Variants in AGAP1 observed in about 807,000 individuals in gnomAD.
The protein encoded by AGAP1 is ArfGAP with GTPase domain, ankyrin repeat and PH domain 1, also known as arf-GAP with GTPase, ANK repeat and PH domain-containing protein 1.
A neutral mutation model predicts 105.3 loss-of-function variants in AGAP1; 29 were observed. That is an observed-to-expected ratio of 0.28 (90% confidence interval 0.21 to 0.38). AGAP1 has a LOEUF of 0.38. Ranked by LOEUF, AGAP1 falls within the 10% of genes least tolerant of loss-of-function variation. The pLI is 1.00. For synonymous variants in AGAP1, 509 were observed against 485.9 expected (o/e 1.05, Z -0.63); for missense variants, 998 against 1,165.1 (o/e 0.86, Z 2.09).
intron 16 of AGAP1, among the ~76,000 whole-genome samples, chr2:236,086,638 A>G (rs1365207422): frequency 6.6e-6 from 1 of 152,196 alleles, no homozygotes; most frequent in Non-Finnish European, 1.5e-5. Context: ...ATACATTCCA[A>G]AAAATTTTCA....
At chr2:236,016,568 C>T (rs549518326) in intron 13 of AGAP1, among the ~76,000 whole-genome samples, 1 of 152,224 alleles carries the variant, frequency 6.6e-6, no homozygotes, top group Non-Finnish European at 1.5e-5. Flanking sequence ...GCTGATGGGC[C>T]TTCCTGGAGA....
At chr2:235,494,924 G>A (rs1941244164) in intron 1 of AGAP1, 75 bp downstream of exon 1, 12 of 1,409,060 alleles carry the variant, frequency 8.5e-6, no homozygotes, top group Non-Finnish European at 8.4e-6. Context: ...CGCTGTGTGC[G>A]TGCGGGTGTC....
rs988282132 is a variant in AGAP1, at chr2:235,809,970, G to C, written c.1050+2639G>C. On this transcript the variant is annotated intron_variant, in intron 9 of 17. Transcript: ENST00000304032. ...GTGTTCTCCTTATTTTAAACACAGA[G>C]ATAGGGAGGGCCCTATACCAGGCAG... 3.9e-5 allele frequency among the ~76,000 whole-genome samples: 6 copies of C among 152,296 alleles called. 1 individual carries two copies. The South Asian group carries it at 1.2e-3, about 32-fold the overall frequency.
At chr2:235,731,706 C>T (rs1951956602) in intron 3 of AGAP1, among the ~76,000 whole-genome samples, 3 of 152,142 alleles carry the variant, frequency 2.0e-5, no homozygotes, top group Admixed American at 6.5e-5. Context: ...CCACTTGTGA[C>T]GTTTCAGGAA....
In AGAP1 at chr2:235,709,521, G is replaced by A. The variant is rs1575190555; in HGVS notation, c.222+284G>A. 2.0e-5 allele frequency among the ~76,000 whole-genome samples: 3 copies of A among 151,202 alleles called. No homozygotes were observed. The South Asian group carries it at 6.3e-4, about 32-fold the overall frequency. On this transcript the variant is annotated intron_variant, in intron 2 of 17. Transcript: ENST00000304032. ...TCATCCTCTCTCTCACATCTCGTGG[G>A]TGTGTGTGTGTCCACACACACACAC...
At position 235,866,884 on chromosome 2, in the gene AGAP1, C is replaced by G. The variant is rs1286360006; in HGVS notation, c.1051-16461C>G. Among the ~76,000 whole-genome samples, 4 of 152,290 alleles carry G rather than the reference C, an allele frequency of 2.6e-5. No homozygotes were observed. The East Asian group carries it at 5.8e-4, about 22-fold the overall frequency. ...ATTGGATTAGGGCCCATCCTAACAG[C>G]CTTATTTTAACATAATTTGCTCTGT... On this transcript the variant is annotated intron_variant, in intron 9 of 17. Transcript: ENST00000304032. This position sits in a 1 kb window ranked among gnomAD's most constrained non-coding sequence, Gnocchi z 6.1.
chr2:235,687,397 T>C (rs185608864), intron 1 of AGAP1, among the ~76,000 whole-genome samples: 29 of 152,308 alleles, frequency 1.9e-4, no homozygotes, highest in African/African-American at 6.7e-4. Context: ...AAACCTTTCA[T>C]ATGTAGGAAT....
chr2:236,098,241 A>C (rs2059244134), intron 16 of AGAP1, among the ~76,000 whole-genome samples: 1 of 152,176 alleles, frequency 6.6e-6, no homozygotes, highest in Non-Finnish European at 1.5e-5. Flanking sequence ...TCCACGCTGA[A>C]CCGTCATACC....
In AGAP1 at chr2:235,621,882, G is replaced by A. The variant is rs181665269; in HGVS notation, c.164-87297G>A. On this transcript the variant is annotated intron_variant, in intron 1 of 17. Transcript: ENST00000304032. The surrounding 1 kb of genome is among the most constrained non-coding windows in gnomAD (Gnocchi z 4.1). Reference sequence around the variant, plus strand: ...GTAGGAGTGGAGGAGGGGTGCGATCGGAAGGGAGTGCCGCGCAGACCCCCC... The same window carrying A: ...GTAGGAGTGGAGGAGGGGTGCGATCAGAAGGGAGTGCCGCGCAGACCCCCC... Among the ~76,000 whole-genome samples, 94 of 147,164 alleles carry A rather than the reference G, an allele frequency of 6.4e-4. No homozygotes were observed. In the Middle Eastern group the frequency reaches 0.011, roughly 17 times the overall value.
intron 9 of AGAP1, among the ~76,000 whole-genome samples, chr2:235,832,098 T>C (rs1398606158): frequency 6.6e-6 from 1 of 152,276 alleles, no homozygotes; most frequent in African/African-American, 2.4e-5. Context: ...ATTTGCCATC[T>C]GTAGGTCGTC....
intron 11 of AGAP1, among the ~76,000 whole-genome samples, chr2:235,922,144 G>A (rs1398670007): frequency 6.6e-6 from 1 of 152,172 alleles, no homozygotes; most frequent in Non-Finnish European, 1.5e-5. Flanking sequence ...AGCCGCTCAC[G>A]CTGAGTTTTT....
At position 236,101,017 on chromosome 2, in the gene AGAP1, G is replaced by T. The variant is rs1261923730; in HGVS notation, c.2115-19175G>T. 6.6e-6 allele frequency among the ~76,000 whole-genome samples: 1 copy of T among 152,132 alleles called. No individual in the cohort carries two copies. The highest frequency in any genetic ancestry group is 1.5e-5 in the Non-Finnish European group (1 of 68,028). ...CCCACTGCAAAGAATGTGAGCATCA[G>T]CTAGGCTGACACAGGGGTCCGCAGA... On this transcript the variant is annotated intron_variant, in intron 16 of 17. Transcript: ENST00000304032. The surrounding 1 kb of genome is among the most constrained non-coding windows in gnomAD (Gnocchi z 4.9).
intron 1 of AGAP1, among the ~76,000 whole-genome samples, chr2:235,706,709 A>G (rs1335636451): frequency 6.6e-6 from 1 of 152,192 alleles, no homozygotes; most frequent in Non-Finnish European, 1.5e-5. Flanking sequence ...GGCTATATCC[A>G]CAGTTACTTA....
chr2:235,548,900 G>GC (rs1367816764), intron 1 of AGAP1, among the ~76,000 whole-genome samples: 3 of 152,180 alleles, frequency 2.0e-5, no homozygotes, highest in Admixed American at 2.0e-4. Context: ...TTGGAACACA[G>GC]CCATAGCCTT....
chr2:235,584,193 CTT>C (rs11447483), intron 1 of AGAP1, among the ~76,000 whole-genome samples: 9 of 139,938 alleles, frequency 6.4e-5, no homozygotes, highest in African/African-American at 5.3e-5. Context: ...CAATAAACCA[CTT>C]TTTTTTTTTT....
Position 235,659,733 on chromosome 2 carries a change from T to G in AGAP1, c.164-49446T>G, listed in dbSNP as rs1316635547. ...CAGTTATTCCAAGTATTCTATTTCT[T>G]AATGGATCTTCTAAGCCCTGGATCA... On this transcript the variant is annotated intron_variant, in intron 1 of 17. Transcript: ENST00000304032. This position sits in a 1 kb window ranked among gnomAD's most constrained non-coding sequence, Gnocchi z 5.0. Among the ~76,000 whole-genome samples the G allele has an allele frequency of 6.6e-6, 1 of 152,254 alleles. No individual in the cohort carries two copies. Among genetic ancestry groups the G allele is most frequent in the Non-Finnish European group, 1.5e-5 (1 of 68,044 alleles).
At chr2:235,575,863 G>C (rs1001868508) in intron 1 of AGAP1, among the ~76,000 whole-genome samples, 1 of 152,104 alleles carries the variant, frequency 6.6e-6, no homozygotes, top group African/African-American at 2.4e-5. Context: ...AGGGAAGTCT[G>C]TCTCCATTGA....
rs550034544 is a variant in AGAP1, at chr2:235,792,033, G to C, written c.674-5726G>C. ...TGTCTATGGTGAGCATTTAAAATAC[G>C]GTTTTATTGGAGGTGTGGTTCGTAC... On this transcript the variant is annotated intron_variant, in intron 6 of 17. Coordinates refer to ENST00000304032, the MANE Select transcript of AGAP1 (RefSeq NM_001037131.3). This position sits in a 1 kb window ranked among gnomAD's most constrained non-coding sequence, Gnocchi z 5.3. 6.6e-6 allele frequency among the ~76,000 whole-genome samples: 1 copy of C among 152,078 alleles called. No individual in the cohort carries two copies. The highest frequency in any genetic ancestry group is 1.5e-5 in the Non-Finnish European group (1 of 68,008).
rs2056454361 is a variant in AGAP1, at chr2:236,009,962, G to A, written c.1646-26599G>A. Among the ~76,000 whole-genome samples the A allele has an allele frequency of 6.6e-6, 1 of 152,142 alleles. No individual in the cohort carries two copies. Among genetic ancestry groups the A allele is most frequent in the Non-Finnish European group, 1.5e-5 (1 of 68,036 alleles). On this transcript the variant is annotated intron_variant, in intron 13 of 17. Coordinates refer to ENST00000304032, the MANE Select transcript of AGAP1 (RefSeq NM_001037131.3). This position sits in a 1 kb window ranked among gnomAD's most constrained non-coding sequence, Gnocchi z 4.2. ...TTCCTGGTACAATGATGGAGGAAGA[G>A]TTTGGAATAAAACCCTGCTCGTTTG...
Sources: gnomAD v4.1 joint callset for allele counts (sites outside exome capture counted in the v4.1 genomes callset) on GRCh38, gnomAD v4.1.1 for gene constraint, Gnocchi (gnomAD v3.1) non-coding constraint, MANE v1.5 for transcripts, NCBI Gene and HGNC (gene_info 2026-07-23, HGNC 2026-07-21) for gene names.